Variants in TXK observed in about 807,000 individuals in gnomAD.
The protein encoded by TXK is TXK tyrosine kinase, also known as tyrosine-protein kinase TXK.
In TXK, 60 loss-of-function variants were observed where a neutral mutation model predicts 81.0. The ratio of observed to expected loss-of-function variants is 0.74; its 90% CI spans 0.60 to 0.92. TXK has a LOEUF of 0.92. TXK is among the 40% of genes least tolerant of loss of function. The pLI is 0.00. For missense variants in TXK, 581 were observed against 638.3 expected (o/e 0.91, Z 0.97); for synonymous variants, 203 against 210.7 (o/e 0.96, Z 0.32).
At chr4:48,087,308 G>A (rs1007856753) in intron 9 of TXK, among the ~76,000 whole-genome samples, 2 of 152,048 alleles carry the variant, frequency 1.3e-5, no homozygotes, top group Admixed American at 1.3e-4. Context: ...TTTTAATACA[G>A]CAATACCACC....
intron 5 of TXK, among the ~76,000 whole-genome samples, chr4:48,105,474 G>C (rs1718422990): frequency 6.6e-6 from 1 of 152,120 alleles, no homozygotes; most frequent in Admixed American, 6.6e-5. Context: ...GGAGATAACA[G>C]GGGGAACACA....
chr4:48,103,055 T>C (rs1718261747), intron 6 of TXK, among the ~76,000 whole-genome samples: 1 of 152,192 alleles, frequency 6.6e-6, no homozygotes, highest in Non-Finnish European at 1.5e-5. Context: ...TTATTTATTT[T>C]TAAAATGTCA....
At chr4:48,071,956 C>CTTTT (rs33963487) in intron 13 of TXK, among the ~76,000 whole-genome samples, 2 of 137,678 alleles carry the variant, frequency 1.5e-5, no homozygotes, top group African/African-American at 5.4e-5. Context: ...ATTTTCTTTT[C>CTTTT]TTTTTTTTTT....
At chr4:48,115,476 C>T (rs754249261) in intron 1 of TXK, among the ~76,000 whole-genome samples, 13 of 152,088 alleles carry the variant, frequency 8.5e-5, no homozygotes, top group Non-Finnish European at 1.5e-4. Flanking sequence ...AAAGAACTAG[C>T]TAGTAAGTCT....
In TXK at chr4:48,114,349, G is replaced by T; in HGVS notation, c.70C>A (p.Arg24=). Residue 24 remains arginine (R), a splice_region_variant and synonymous_variant, in exon 2 of 15, where the codon CGA becomes AGA. Coordinates refer to ENST00000264316, the MANE Select transcript of TXK (RefSeq NM_003328.3). ...AATTGCCCTCGGAAGTAGACTTACC[G>T]CTTCTGCACTGAACAGCAACAGCAG... ...CCCCCCSVQK[R]QMRTQISLST... 6.2e-7 allele frequency: 1 copy of T among 1,613,928 alleles called. No individual in the cohort carries two copies. Among genetic ancestry groups the T allele is most frequent in the Non-Finnish European group, 8.5e-7 (1 of 1,179,900 alleles).
chr4:48,077,660 C>T (rs1003803415), intron 11 of TXK, among the ~76,000 whole-genome samples: 2 of 151,996 alleles, frequency 1.3e-5, no homozygotes, highest in East Asian at 3.9e-4. Flanking sequence ...ACACCATATT[C>T]ATCCACTCAA....
intron 1 of TXK, among the ~76,000 whole-genome samples, chr4:48,125,506 G>A (rs1719067999): frequency 6.6e-6 from 1 of 152,166 alleles, no homozygotes; most frequent in Admixed American, 6.5e-5. Context: ...TGACTCAAAG[G>A]CAGATGTTTC....
At position 48,112,213 on chromosome 4, in the gene TXK, T is replaced by C. The variant is rs1414461496; in HGVS notation, c.380+94A>G. On this transcript the variant is annotated intron_variant, in intron 4 of 14. Coordinates refer to ENST00000264316, the MANE Select transcript of TXK (RefSeq NM_003328.3). ...TGGGGGAGAGGGGACAGATTCCATT[T>C]CATGCAGAGGGAAGAGTTATAAGCC... 4 of 1,169,724 alleles carry C rather than the reference T, an allele frequency of 3.4e-6. No homozygotes were observed. In the African/African-American group the frequency reaches 4.6e-5, roughly 13 times the overall value. 72.5% of individuals were successfully genotyped at this position (1,169,724 alleles called of 1,614,324 possible).
chr4:48,125,464 C>A (rs1423608742), intron 1 of TXK, among the ~76,000 whole-genome samples: 1 of 152,162 alleles, frequency 6.6e-6, no homozygotes, highest in East Asian at 1.9e-4. Context: ...ATCTTCAGCT[C>A]CAACTCCTCT....
intron 5 of TXK, among the ~76,000 whole-genome samples, chr4:48,107,621 A>G (rs1276937887): frequency 2.6e-5 from 4 of 151,994 alleles, no homozygotes; most frequent in Non-Finnish European, 5.9e-5. Context: ...GATGTGTGCC[A>G]CAGTGGTTTG....
intron 14 of TXK, among the ~76,000 whole-genome samples, chr4:48,069,003 A>C (rs949241083): frequency 1.3e-5 from 2 of 152,234 alleles, no homozygotes; most frequent in Non-Finnish European, 2.9e-5. Flanking sequence ...CCCTAAGCAC[A>C]TGGGGTAAAG....
chr4:48,071,508 T>C lies in TXK; in HGVS notation c.1515+9A>G, dbSNP rs573135979. ...TGCCAACCTTCATAGGAAAGTAACA[T>C]ATGCTTACCTCATGCCAGCAGCTGT... On this transcript the variant is annotated intron_variant, in intron 14 of 14. Coordinates refer to ENST00000264316, the MANE Select transcript of TXK (RefSeq NM_003328.3). 6.2e-7 allele frequency: 1 copy of C among 1,608,422 alleles called. No homozygotes were observed. The highest frequency in any genetic ancestry group is 8.5e-7 in the Non-Finnish European group (1 of 1,177,786).
chr4:48,080,551 G>T (rs1422641450), intron 10 of TXK, among the ~76,000 whole-genome samples: 3 of 151,916 alleles, frequency 2.0e-5, no homozygotes, highest in Non-Finnish European at 4.4e-5. Context: ...GACTAAAAGA[G>T]AAAACAAAAA....
chr4:48,124,420 C>CT (rs150052658), intron 1 of TXK, among the ~76,000 whole-genome samples: 2,447 of 149,414 alleles, frequency 0.016, 78 homozygotes, highest in African/African-American at 0.057. Context: ...GCATCTTATC[C>CT]TTTTTTTTTT....
At chr4:48,110,692 A>G (rs964320488) in intron 4 of TXK, 89 bp from the exon 5 acceptor site, 8 of 936,814 alleles carry the variant, frequency 8.5e-6, no homozygotes, top group Non-Finnish European at 1.3e-5. Flanking sequence ...TCAAGGATGT[A>G]GGGGGGAAAT....
intron 11 of TXK, among the ~76,000 whole-genome samples, chr4:48,079,687 C>T (rs1057318782): frequency 1.3e-5 from 2 of 152,160 alleles, no homozygotes; most frequent in Non-Finnish European, 2.9e-5. Context: ...CCTGATAAAT[C>T]GGCTCTGTCT....
At chr4:48,129,227 C>T (rs530599855) in intron 1 of TXK, among the ~76,000 whole-genome samples, 1 of 152,290 alleles carries the variant, frequency 6.6e-6, no homozygotes, top group African/African-American at 2.4e-5. Flanking sequence ...TGCACTTTTC[C>T]TTTTGATACT....
At chr4:48,132,516 T>C (rs1180119587) in intron 1 of TXK, among the ~76,000 whole-genome samples, 1 of 152,218 alleles carries the variant, frequency 6.6e-6, no homozygotes, top group Non-Finnish European at 1.5e-5. Context: ...TTGGCAGCTT[T>C]ATATGTATAC....
chr4:48,079,879 C>CAA, intron 11 of TXK, 33 bp downstream of exon 11: 62 of 1,269,080 alleles, frequency 4.9e-5, no homozygotes, highest in South Asian at 6.5e-5. Flanking sequence ...AGGTATGATA[C>CAA]AAAAAAAAAA....
Sources: gnomAD v4.1 joint callset for allele counts (sites outside exome capture counted in the v4.1 genomes callset) on GRCh38, gnomAD v4.1.1 for gene constraint, MANE v1.5 for transcripts, NCBI Gene and HGNC (gene_info 2026-07-23, HGNC 2026-07-21) for gene names.